Variants in ANKRD11 observed in about 807,000 individuals in gnomAD.
ANKRD11 encodes ankyrin repeat domain-containing protein 11.
In ANKRD11, 17 loss-of-function variants were observed where a neutral mutation model predicts 195.7. That is an observed-to-expected ratio of 0.09 (90% CI 0.06 to 0.13). The LOEUF (loss-of-function observed/expected upper bound fraction) is 0.13, where lower values mean the gene tolerates loss of function less well. Among genes scored for constraint, ANKRD11 ranks in the 10% least tolerant of loss-of-function variants. ANKRD11 has a pLI of 1.00. For synonymous variants in ANKRD11, 1,953 were observed against 1,528.1 expected (o/e 1.28, Z -6.49); for missense variants, 3,735 against 3,566.1 (o/e 1.05, Z -1.21).
chr16:89,458,107 A>G (rs1013289576), intron 1 of ANKRD11, among the ~76,000 whole-genome samples: 1 of 152,216 alleles, frequency 6.6e-6, no homozygotes, highest in Non-Finnish European at 1.5e-5. Flanking sequence ...ACAAAAAGAA[A>G]AAAAAAAGCT....
In ANKRD11 at chr16:89,398,789, T is replaced by C. The variant is rs574542222; in HGVS notation, c.-60+19495A>G. On this transcript the variant is annotated intron_variant, in intron 2 of 12. Coordinates refer to ENST00000301030, the MANE Select transcript of ANKRD11 (RefSeq NM_013275.6). The stretch of plus-strand genomic sequence containing the variant: ...CACTGTTAGTGTCTCAAGCCCAGGT[T>C]AGAAATTACTCGTCTAGTCTCTGAC... Among the ~76,000 whole-genome samples, 5 of 151,692 alleles carry C rather than the reference T, an allele frequency of 3.3e-5. No individual in the cohort carries two copies. The East Asian group carries it at 9.7e-4, about 29-fold the overall frequency.
intron 1 of ANKRD11, among the ~76,000 whole-genome samples, chr16:89,475,081 C>T (rs973171924): frequency 1.3e-5 from 2 of 152,200 alleles, no homozygotes; most frequent in African/African-American, 4.8e-5. Context: ...CAATCTCTGG[C>T]ATCTGTTGTT....
At chr16:89,373,579 C>T (rs554200627) in intron 2 of ANKRD11, 1 of 152,236 alleles carries the variant, frequency 6.6e-6, no homozygotes, top group East Asian at 1.9e-4. Flanking sequence ...ACCAGCGATT[C>T]GAGAGAAAAC....
At chr16:89,341,979 G>A (rs1174491081) in intron 2 of ANKRD11, among the ~76,000 whole-genome samples, 2 of 149,566 alleles carry the variant, frequency 1.3e-5, no homozygotes, top group Non-Finnish European at 3.0e-5. Context: ...CAGGAGTGCT[G>A]CACCTCCACC....
chr16:89,403,975 C>A (rs904281627), intron 2 of ANKRD11, among the ~76,000 whole-genome samples: 2 of 152,072 alleles, frequency 1.3e-5, no homozygotes, highest in African/African-American at 4.8e-5. Context: ...CAGAAAGGAG[C>A]AAGATTATAA....
At position 89,275,512 on chromosome 16, in the gene ANKRD11, T is replaced by C. The variant is rs551748251; in HGVS notation, c.7471-321A>G. Among the ~76,000 whole-genome samples the C allele has an allele frequency of 6.4e-4, 98 of 152,198 alleles. 2 individuals carry two copies. Among genetic ancestry groups the C allele is most frequent in the South Asian group, 1.4e-3 (7 of 4,830 alleles). ...AAACACCGGCATGAGCACCCAACTG[T>C]GCAGAGGAGATACAGCGAGACAGCA... On this transcript the variant is annotated intron_variant, in intron 9 of 12. Coordinates refer to ENST00000301030, the MANE Select transcript of ANKRD11 (RefSeq NM_013275.6).
chr16:89,377,490 G>C (rs911479339), intron 2 of ANKRD11, among the ~76,000 whole-genome samples: 3 of 152,098 alleles, frequency 2.0e-5, no homozygotes, highest in African/African-American at 7.2e-5. Context: ...AGGAGGGCTG[G>C]GGGGCGGGGA....
chr16:89,330,752 C>T lies in ANKRD11; in HGVS notation c.-59-13674G>A, dbSNP rs921573011. The stretch of plus-strand genomic sequence containing the variant: ...ACTTCCACCTCATCCTGTTCCTCCT[C>T]GGCGAGTTCCAACCTCTAGCCCACA... On this transcript the variant is annotated intron_variant, in intron 2 of 12. Transcript: ENST00000301030. Among the ~76,000 whole-genome samples the T allele has an allele frequency of 2.3e-4, 34 of 148,704 alleles. 1 individual carries two copies. Among genetic ancestry groups the T allele is most frequent in the Non-Finnish European group, 4.7e-4 (32 of 67,614 alleles).
chr16:89,340,279 TTGTTGTTG>T (rs1484521471), intron 2 of ANKRD11, among the ~76,000 whole-genome samples: 3 of 151,986 alleles, frequency 2.0e-5, no homozygotes, highest in African/African-American at 7.2e-5. Context: ...GTTGTAATTT[TTGTTGTTG>T]TTGTTTTTGA....
At chr16:89,345,541 A>G (rs1428792779) in intron 2 of ANKRD11, among the ~76,000 whole-genome samples, 1 of 152,238 alleles carries the variant, frequency 6.6e-6, no homozygotes, top group Admixed American at 6.5e-5. Context: ...AGCTTCCAGA[A>G]CTGTGAGAAA....
intron 11 of ANKRD11, among the ~76,000 whole-genome samples, chr16:89,274,148 G>A (rs1312639611): frequency 6.6e-6 from 1 of 152,208 alleles, no homozygotes; most frequent in Non-Finnish European, 1.5e-5. Context: ...CTTGAAGGCA[G>A]ACAGGAAGAG....
At position 89,280,121 on chromosome 16, in the gene ANKRD11, G is replaced by A. The variant is rs766603172; in HGVS notation, c.6421C>T (p.Leu2141Phe). The change falls in exon 9 of 13, where the codon CTT becomes TTT. Residue 2141 changes from leucine (L) to phenylalanine (F), a missense_variant. Leu to Phe is a conservative substitution (Grantham distance 22). Coordinates refer to ENST00000301030, the MANE Select transcript of ANKRD11 (RefSeq NM_013275.6). Reference protein sequence around the residue: ...LDLGPFSLPELPLQTKDAADG... With the variant: ...LDLGPFSLPEFPLQTKDAADG... ...GCGGCATCTTTAGTCTGCAGGGGAA[G>A]CTCCGGCAGGGAGAAGGGCCCCAGG... The A allele has an allele frequency of 3.1e-6, 5 of 1,612,448 alleles. No homozygotes were observed. The East Asian group carries it at 6.7e-5, about 22-fold the overall frequency.
intron 2 of ANKRD11, among the ~76,000 whole-genome samples, chr16:89,352,465 G>C (rs949265841): frequency 1.3e-5 from 2 of 151,730 alleles, no homozygotes; most frequent in Non-Finnish European, 2.9e-5. Flanking sequence ...TGGGCACAGA[G>C]GAATGTCAGG....
rs1228696930 is a variant in ANKRD11, at chr16:89,280,016, C to T, written c.6526G>A (p.Gly2176Ser). The change falls in exon 9 of 13, where the codon GGT (glycine) becomes AGT (serine). Residue 2176 changes from glycine to serine, a missense_variant. Physicochemically the swap from Gly to Ser is moderately conservative, Grantham distance 56 (BLOSUM62 0). Coordinates refer to ENST00000301030, the MANE Select transcript of ANKRD11 (RefSeq NM_013275.6). Reference protein sequence around the residue: ...MPPGAPGVINGGDVSTVVAEE... With the variant: ...MPPGAPGVINSGDVSTVVAEE... Reference sequence around the variant, plus strand: ...GCCACTACGGTGGAAACATCCCCACCGTTTATGACCCCGGGGGCCCCTGGA... The same window carrying T: ...GCCACTACGGTGGAAACATCCCCACTGTTTATGACCCCGGGGGCCCCTGGA... 6.2e-6 allele frequency: 10 copies of T among 1,612,626 alleles called. No homozygotes were observed. Among genetic ancestry groups the T allele is most frequent in the Admixed American group, 5.0e-5 (3 of 60,034 alleles).
intron 1 of ANKRD11, among the ~76,000 whole-genome samples, chr16:89,440,521 T>A (rs1167940015): frequency 1.3e-5 from 2 of 151,868 alleles, no homozygotes. Flanking sequence ...GAGGCTGAGG[T>A]GGGAGAATTG....
intron 9 of ANKRD11, chr16:89,278,871 C>A: frequency 1.1e-6 from 1 of 881,812 alleles, no homozygotes; most frequent in South Asian, 1.4e-5. Context: ...GGAGGAAGGA[C>A]CTCGGGTCTG....
intron 7 of ANKRD11, chr16:89,288,304 A>G (rs1266350101): frequency 1.4e-6 from 1 of 710,336 alleles, no homozygotes; most frequent in African/African-American, 1.7e-5. Context: ...AGCCTTTCAT[A>G]GATGGCACTT....
Position 89,282,114 on chromosome 16 carries a change from G to C in ANKRD11, c.4428C>G (p.His1476Gln), listed in dbSNP as rs369307602. Residue 1476 changes from histidine to glutamine, a missense_variant, in exon 9 of 13, where the codon CAC becomes CAG. Transcript: ENST00000301030. ...REKWRDEKER[H>Q]RDRHADGLLR... ...GCAGCCCATCCGCATGCCTGTCCCG[G>C]TGCCTCTCCTTCTCGTCTCTCCATT... 6 of 1,613,952 alleles carry C rather than the reference G, an allele frequency of 3.7e-6. No individual in the cohort carries two copies. The highest frequency in any genetic ancestry group is 5.1e-6 in the Non-Finnish European group (6 of 1,179,968).
At chr16:89,322,849 G>C (rs1379343031) in intron 2 of ANKRD11, among the ~76,000 whole-genome samples, 1 of 146,602 alleles carries the variant, frequency 6.8e-6, no homozygotes, top group Admixed American at 6.7e-5. Flanking sequence ...GAGTTCTTTT[G>C]TTTGTTTGTT....
Sources: allele counts gnomAD v4.1 joint callset (sites outside exome capture counted in the v4.1 genomes callset), GRCh38; gene constraint gnomAD v4.1.1; transcripts MANE v1.5; gene names NCBI Gene and HGNC (gene_info 2026-07-23, HGNC 2026-07-21).